The following BRCA1 variants were observed in gnomAD, a reference collection of about 807,000 sequenced individuals.
BRCA1 encodes the protein breast cancer type 1 susceptibility protein.
BRCA1 carries 140 observed loss-of-function variants against 173.7 expected under a neutral mutation model. The ratio of observed to expected loss-of-function variants is 0.81; its 90% CI spans 0.70 to 0.93. The LOEUF is 0.93. BRCA1 is among the 40% of genes least tolerant of loss of function. The pLI is 0.00. For missense variants in BRCA1, 1,983 were observed against 2,172.5 expected (o/e 0.91, Z 1.73); for synonymous variants, 662 against 756.0 (o/e 0.88, Z 2.04).
intron 1 of BRCA1, among the ~76,000 whole-genome samples, chr17:43,153,020 G>A (rs2056172881): frequency 6.6e-6 from 1 of 152,114 alleles, no homozygotes. Flanking sequence ...GGGCAATAGA[G>A]TGAGATTCTG....
intron 1 of BRCA1, 67 bp downstream of exon 1, chr17:43,125,204 C>T (rs2154579869): frequency 2.2e-6 from 1 of 455,684 alleles, no homozygotes; most frequent in Non-Finnish European, 4.4e-6. Flanking sequence ...TTCGGAAATC[C>T]ACTCTCCCAC....
intron 6 of BRCA1, 81 bp downstream of exon 6, chr17:43,104,041 G>C (rs912388182): frequency 2.6e-6 from 4 of 1,514,768 alleles, no homozygotes; most frequent in African/African-American, 3.0e-5. Flanking sequence ...CTGGGCCACA[G>C]AGCAAGACTC....
intron 14 of BRCA1, among the ~76,000 whole-genome samples, chr17:43,072,390 A>T (rs1299728599): frequency 1.3e-5 from 2 of 151,718 alleles, no homozygotes; most frequent in Non-Finnish European, 2.9e-5. Flanking sequence ...ACTCCGTCTC[A>T]AAAAAGAGTA....
chr17:43,070,444 T>A lies in BRCA1; in HGVS notation c.4986+484A>T, dbSNP rs8176221. ...ATGCCAAAATCCTAATAGCAAGGGA[T>A]ATTGCAGGGCAGAAGTGGCAGGGCA... On this transcript the variant is annotated intron_variant, in intron 15 of 22. Coordinates refer to ENST00000357654, the MANE Select transcript of BRCA1 (RefSeq NM_007294.4). 9.7e-3 allele frequency among the ~76,000 whole-genome samples: 1,474 copies of A among 152,260 alleles called. 36 individuals carry two copies. The highest frequency in any genetic ancestry group is 0.034 in the African/African-American group (1,413 of 41,548).
chr17:43,118,246 G>A (rs1431383346), intron 2 of BRCA1, among the ~76,000 whole-genome samples: 2 of 152,216 alleles, frequency 1.3e-5, no homozygotes, highest in Non-Finnish European at 2.9e-5. Flanking sequence ...CAGGACATCA[G>A]ATAGGTCAAG....
At chr17:43,122,141 A>G (rs975403544) in intron 2 of BRCA1, among the ~76,000 whole-genome samples, 2 of 152,194 alleles carry the variant, frequency 1.3e-5, no homozygotes, top group African/African-American at 4.8e-5. Context: ...CGCTCTGAAA[A>G]CACAACATAC....
rs773613294 is a variant in BRCA1, at chr17:43,119,627, T to C, written c.81-3848A>G. ...CAACCTGAGATAACTTGTACCAACA[T>C]TGGTATTATTACTGGGACCAAATGT... is the stretch of plus-strand genomic sequence containing the variant. On this transcript the variant is annotated intron_variant, in intron 2 of 22. Transcript: ENST00000357654. Among the ~76,000 whole-genome samples, 7 of 151,946 alleles carry C rather than the reference T, an allele frequency of 4.6e-5. No homozygotes were observed. Among genetic ancestry groups the C allele is most frequent in the East Asian group, 1.9e-4 (1 of 5,202 alleles).
At position 43,140,937 on chromosome 17, in the gene BRCA1, T is replaced by C. The variant is rs530483430; in HGVS notation, c.-19-16822A>G. Among the ~76,000 whole-genome samples the C allele has an allele frequency of 9.2e-5, 14 of 152,342 alleles. 2 individuals are homozygous for C. Among genetic ancestry groups the C allele is most frequent in the African/African-American group, 3.1e-4 (13 of 41,572 alleles). On this transcript the variant is annotated intron_variant, in intron 1 of 7. Coordinates refer to the BRCA1 transcript ENST00000634433. ...TATTTCATCATCCTTTAAAAAATGC[T>C]TTATTTCTCTGGCAGATTTCATTGG...
intron 1 of BRCA1, chr17:43,159,849 A>T (rs1349392842): frequency 1.3e-5 from 2 of 156,300 alleles, no homozygotes; most frequent in African/African-American, 2.4e-5. Flanking sequence ...TTAAAAAAAT[A>T]AAAAAATAAA....
At chr17:43,124,814 T>C in intron 1 of BRCA1, 1 of 286,188 alleles carries the variant, frequency 3.5e-6, no homozygotes, top group South Asian at 3.3e-5. Flanking sequence ...TGGAGTGCAA[T>C]GGCGCGATCT....
intron 19 of BRCA1, among the ~76,000 whole-genome samples, chr17:43,053,469 C>T (rs1206370226): frequency 2.6e-5 from 4 of 151,822 alleles, no homozygotes; most frequent in East Asian, 1.9e-4. Flanking sequence ...GAGACCATCC[C>T]GTCTAACACA....
intron 16 of BRCA1, among the ~76,000 whole-genome samples, chr17:43,065,801 G>A (rs1397140892): frequency 1.3e-5 from 2 of 152,190 alleles, no homozygotes; most frequent in Admixed American, 1.3e-4. Flanking sequence ...GCACTCGTCT[G>A]CTTTCTGGAG....
chr17:43,076,467 C>T (rs772578738), intron 13 of BRCA1, 21 bp downstream of exon 13: 1 of 1,612,606 alleles, frequency 6.2e-7, no homozygotes, highest in East Asian at 2.2e-5. Flanking sequence ...ACCACAGCAT[C>T]TTTACATTGA....
chr17:43,100,666 A>T lies in BRCA1; in HGVS notation c.442-786T>A, dbSNP rs866810984. ...TATAACATATATATAACATATATAT[A>T]TATATATATATAATATATATATATA... On this transcript the variant is annotated intron_variant, in intron 6 of 22. Coordinates refer to ENST00000357654, the MANE Select transcript of BRCA1 (RefSeq NM_007294.4). Among the ~76,000 whole-genome samples, 15 of 3,556 alleles carry T rather than the reference A, an allele frequency of 4.2e-3. 1 individual carries two copies. Among genetic ancestry groups the T allele is most frequent in the Non-Finnish European group, 0.014 (11 of 784 alleles). 2.3% of individuals were successfully genotyped at this position (3,556 alleles called of 152,430 possible).
chr17:43,068,070 G>A lies in BRCA1; in HGVS notation c.4987-375C>T, dbSNP rs2052224856. 4.6e-5 allele frequency among the ~76,000 whole-genome samples: 7 copies of A among 151,632 alleles called. 1 individual carries two copies. In the South Asian group the frequency reaches 1.5e-3, roughly 32 times the overall value. On this transcript the variant is annotated intron_variant, in intron 15 of 22. Coordinates refer to ENST00000357654, the MANE Select transcript of BRCA1 (RefSeq NM_007294.4). Reference sequence around the variant, plus strand: ...AGGCGGGCAGATCACAAGGTCAGGAGATCGAGACCATCCTGGCTAACACGG... The same window carrying A: ...AGGCGGGCAGATCACAAGGTCAGGAAATCGAGACCATCCTGGCTAACACGG...
chr17:43,090,845 A>C (rs1160510539), intron 11 of BRCA1, 99 bp downstream of exon 11: 14 of 1,143,438 alleles, frequency 1.2e-5, no homozygotes, highest in Non-Finnish European at 1.8e-5. Context: ...CCATTAATTC[A>C]AAGAGATGAT....
At chr17:43,069,901 T>C (rs1187670585) in intron 15 of BRCA1, among the ~76,000 whole-genome samples, 3 of 152,194 alleles carry the variant, frequency 2.0e-5, no homozygotes, top group Non-Finnish European at 4.4e-5. Flanking sequence ...TGGTATGTTA[T>C]CTCATCATAG....
At chr17:43,162,904 C>T (rs2056245733) in intron 1 of BRCA1, 1 of 152,180 alleles carries the variant, frequency 6.6e-6, no homozygotes, top group South Asian at 2.1e-4. Flanking sequence ...GTTGGGCCTG[C>T]TAGAATAAAC....
chr17:43,147,179 T>TA (rs1186484958), intron 1 of BRCA1, among the ~76,000 whole-genome samples: 1 of 152,170 alleles, frequency 6.6e-6, no homozygotes, highest in African/African-American at 2.4e-5. Flanking sequence ...TTTGTATTTT[T>TA]AGTAGCGACG....
Sources: allele counts gnomAD v4.1 joint callset (sites outside exome capture counted in the v4.1 genomes callset), GRCh38; gene constraint gnomAD v4.1.1; transcripts MANE v1.5; gene names NCBI Gene and HGNC (gene_info 2026-07-23, HGNC 2026-07-21).